TXNRD2: variants seen among roughly 807,000 people sequenced by gnomAD.
The protein encoded by TXNRD2 is thioredoxin reductase 2, mitochondrial.
A neutral mutation model predicts 70.8 loss-of-function variants in TXNRD2; 67 were observed. The observed-to-expected ratio is 0.95, with a 90% CI of 0.78 to 1.16. The LOEUF is 1.16. TXNRD2 is among the 50% of genes most tolerant of loss of function. TXNRD2 has a pLI of 0.00. For missense variants in TXNRD2, 644 were observed against 719.9 expected (o/e 0.89, Z 1.21); for synonymous variants, 301 against 295.8 (o/e 1.02, Z -0.18).
intron 14 of TXNRD2, among the ~76,000 whole-genome samples, chr22:19,879,456 A>G (rs1216946356): frequency 2.0e-5 from 3 of 150,364 alleles, no homozygotes; most frequent in Non-Finnish European, 4.5e-5. Context: ...CAGACCCCCA[A>G]AGCAGGCTTG....
At position 19,880,714 on chromosome 22, in the gene TXNRD2, G is replaced by A. The variant is rs772667712; in HGVS notation, c.1090C>T (p.Arg364Trp). The change falls in exon 13 of 18, where the codon CGG becomes TGG. Residue 364 changes from arginine (R) to tryptophan (W), a missense_variant. Around this residue, in one of 3 missense-constraint regions of TXNRD2, gnomAD observed 566 missense variants for 645.0 expected, o/e 0.88. Coordinates refer to ENST00000400521, the MANE Select transcript of TXNRD2 (RefSeq NM_006440.5). ...IYAIGDVVEG[R>W]PELTPIAIMA... ...ATCGCTATGGGTGTCAGCTCAGGCCGCCCCTTGGGGAAGGCACAGGGGGGC... is the reference window on the plus strand; with the variant it reads ...ATCGCTATGGGTGTCAGCTCAGGCCACCCCTTGGGGAAGGCACAGGGGGGC... The A allele has an allele frequency of 2.1e-5, 33 of 1,608,318 alleles. No individual in the cohort carries two copies. The highest frequency in any genetic ancestry group is 5.0e-5 in the Admixed American group (3 of 59,700).
intron 16 of TXNRD2, among the ~76,000 whole-genome samples, chr22:19,877,571 C>T (rs369125433): frequency 2.0e-5 from 3 of 152,316 alleles, no homozygotes; most frequent in Admixed American, 1.3e-4. Flanking sequence ...GGCCTCACCA[C>T]ACCACCACCT....
chr22:19,933,354 G>A (rs1941434481), intron 1 of TXNRD2: 2 of 960,676 alleles, frequency 2.1e-6, no homozygotes, highest in African/African-American at 1.7e-5. Context: ...GTCCCCCGGG[G>A]AGCATGAACC....
At chr22:19,903,014 G>A in intron 8 of TXNRD2, 2 of 518,804 alleles carry the variant, frequency 3.9e-6, no homozygotes, top group South Asian at 1.4e-5. Flanking sequence ...ACCAGCCCAA[G>A]TTATAAAAAC....
chr22:19,881,236 C>T (rs1281618233), intron 12 of TXNRD2: 4 of 399,432 alleles, frequency 1.0e-5, no homozygotes, highest in Non-Finnish European at 8.8e-6. Flanking sequence ...TGTGCCCAGC[C>T]TTGGGGGTTC....
At chr22:19,886,776 G>A (rs574955490) in intron 11 of TXNRD2, among the ~76,000 whole-genome samples, 1 of 152,364 alleles carries the variant, frequency 6.6e-6, no homozygotes, top group East Asian at 1.9e-4. Context: ...CGAAGCCTTG[G>A]CTCTGGAGTG....
At chr22:19,879,871 G>A (rs1389345357) in intron 14 of TXNRD2, among the ~76,000 whole-genome samples, 5 of 152,266 alleles carry the variant, frequency 3.3e-5, no homozygotes, top group Non-Finnish European at 7.4e-5. Context: ...TGGGGCTGGG[G>A]GCTTCTGGGC....
At chr22:19,910,107 T>C (rs1323361823) in intron 8 of TXNRD2, among the ~76,000 whole-genome samples, 1 of 152,240 alleles carries the variant, frequency 6.6e-6, no homozygotes, top group African/African-American at 2.4e-5. Context: ...TGACCAAGCC[T>C]CTGCCGCCCT....
chr22:19,895,037 T>A (rs1939435610), intron 11 of TXNRD2: 3 of 1,561,306 alleles, frequency 1.9e-6, no homozygotes, highest in Non-Finnish European at 8.6e-7. Flanking sequence ...GTAGGATTTA[T>A]GTGCTGAAAC....
chr22:19,932,160 CA>C (rs35254160), intron 1 of TXNRD2, among the ~76,000 whole-genome samples: 8,829 of 80,932 alleles, frequency 0.11, 396 homozygotes, highest in African/African-American at 0.21. Flanking sequence ...GACTCCGTCT[CA>C]AAAAAAAAAA....
intron 1 of TXNRD2, among the ~76,000 whole-genome samples, chr22:19,937,791 G>T (rs1341899406): frequency 6.6e-6 from 1 of 152,186 alleles, no homozygotes; most frequent in Non-Finnish European, 1.5e-5. Context: ...TTGTCGTAAG[G>T]GTAAACATTG....
At chr22:19,916,081 G>C (rs762735081) in intron 5 of TXNRD2, 2 of 508,512 alleles carry the variant, frequency 3.9e-6, no homozygotes, top group Non-Finnish European at 7.2e-6. Flanking sequence ...TCAAAGCAGG[G>C]ACGGAAGCCA....
intron 2 of TXNRD2, among the ~76,000 whole-genome samples, chr22:19,922,959 T>TCC (rs1940973871): frequency 2.6e-5 from 4 of 152,200 alleles, no homozygotes; most frequent in Non-Finnish European, 4.4e-5. Flanking sequence ...AGTGCTGGGA[T>TCC]TACAGGCGTG....
intron 9 of TXNRD2, 59 bp from the exon 10 acceptor site, chr22:19,898,189 AC>A: frequency 6.8e-7 from 1 of 1,474,872 alleles, no homozygotes; most frequent in Non-Finnish European, 9.3e-7. Context: ...ATGGGACAAC[AC>A]CCCAGGGCCC....
chr22:19,884,834 C>G (rs773189308), intron 11 of TXNRD2, among the ~76,000 whole-genome samples: 2 of 152,212 alleles, frequency 1.3e-5, no homozygotes, highest in Non-Finnish European at 2.9e-5. Context: ...GTGAGCAGAG[C>G]TAGCAGCCGG....
intron 1 of TXNRD2, among the ~76,000 whole-genome samples, chr22:19,933,164 T>C (rs1457563946): frequency 1.3e-5 from 2 of 152,250 alleles, no homozygotes; most frequent in East Asian, 1.9e-4. Context: ...GTGAGATGTG[T>C]GCGCACCTGC....
intron 12 of TXNRD2, chr22:19,881,430 T>C (rs1160842076): frequency 9.4e-6 from 2 of 212,828 alleles, no homozygotes; most frequent in Admixed American, 1.2e-4. Context: ...CAACATCTCA[T>C]TAAACAATAG....
rs1439221482 is a variant in TXNRD2, at chr22:19,907,788, G to A, written c.662+3589C>T. Among the ~76,000 whole-genome samples, 57 of 36,966 alleles carry A rather than the reference G, an allele frequency of 1.5e-3. 1 individual carries two copies. Among genetic ancestry groups the A allele is most frequent in the African/African-American group, 5.6e-3 (53 of 9,438 alleles). 24.3% of individuals were successfully genotyped at this position (36,966 alleles called of 152,430 possible). On this transcript the variant is annotated intron_variant, in intron 8 of 17. Transcript: ENST00000400521. ...GTGGGCGCCGTGGGTAGCAGTGACC[G>A]CTCTCAGGAGAGTGTGGGCACCGTG... is the stretch of plus-strand genomic sequence containing the variant.
intron 8 of TXNRD2, among the ~76,000 whole-genome samples, chr22:19,902,541 T>C (rs1275334641): frequency 6.6e-6 from 1 of 152,188 alleles, no homozygotes; most frequent in Admixed American, 6.5e-5. Context: ...AAGCTGCAGA[T>C]GCCCCAGGGA....
Sources: allele counts gnomAD v4.1 joint callset (sites outside exome capture counted in the v4.1 genomes callset), GRCh38; gene constraint gnomAD v4.1.1; regional missense constraint gnomAD v4.1.1; transcripts MANE v1.5; gene names NCBI Gene and HGNC (gene_info 2026-07-23, HGNC 2026-07-21).